Variants in DRC8 observed in about 807,000 individuals in gnomAD.
DRC8 encodes dynein regulatory complex subunit 8, also known as dynein regulatory complex protein 8.
chr1:245,062,184 C>A, the DRC8 span, among the ~76,000 whole-genome samples: 11,317 of 152,260 alleles, frequency 0.074, 485 homozygotes, highest in African/African-American at 0.095. Flanking sequence ...TGTACTTGAA[C>A]TTTAGTGTAG....
the DRC8 span, among the ~76,000 whole-genome samples, chr1:245,114,094 C>T: frequency 2.0e-5 from 3 of 152,184 alleles, no homozygotes; most frequent in Non-Finnish European, 2.9e-5. Flanking sequence ...GTTTCTGTCA[C>T]GCCATTGCTT....
the DRC8 span, among the ~76,000 whole-genome samples, chr1:245,070,753 A>G: frequency 4.6e-5 from 7 of 152,204 alleles, no homozygotes; most frequent in African/African-American, 1.4e-4. Flanking sequence ...TGCTGTGGTC[A>G]GAATGTATGT....
the DRC8 span, among the ~76,000 whole-genome samples, chr1:244,976,732 G>A: frequency 6.6e-6 from 1 of 152,138 alleles, no homozygotes. Context: ...GTGGTATGGC[G>A]GTTCCTCAGA....
chr1:245,111,707 GA>G, the DRC8 span, among the ~76,000 whole-genome samples: 3 of 152,120 alleles, frequency 2.0e-5, no homozygotes, highest in African/African-American at 7.2e-5. Context: ...GGGGTAAGGG[GA>G]CTTTTAGAAA....
At chr1:244,971,209 A>C in the DRC8 span, 8 of 151,964 alleles carry the variant, frequency 5.3e-5, no homozygotes, top group Admixed American at 2.6e-4. Flanking sequence ...TGTCTTAAAA[A>C]AAAAAAAAGA....
the DRC8 span, among the ~76,000 whole-genome samples, chr1:245,050,719 C>T: frequency 7.2e-5 from 11 of 152,192 alleles, no homozygotes; most frequent in South Asian, 2.1e-4. Context: ...TATTCCTCCA[C>T]GGTGTACTCT....
chr1:244,970,972 T>A, the DRC8 span: 8 of 165,990 alleles, frequency 4.8e-5, no homozygotes, highest in Middle Eastern at 5.5e-3. Flanking sequence ...CCCCGGGGGG[T>A]GGCCTGGGTG....
At chr1:245,062,056 A>C in the DRC8 span, among the ~76,000 whole-genome samples, 1 of 152,202 alleles carries the variant, frequency 6.6e-6, no homozygotes, top group Admixed American at 6.5e-5. Context: ...CAATGAGCTG[A>C]GGTCATACCA....
chr1:244,973,240 T>C, the DRC8 span, among the ~76,000 whole-genome samples: 1 of 152,182 alleles, frequency 6.6e-6, no homozygotes, highest in Non-Finnish European at 1.5e-5. Flanking sequence ...TATAATAATA[T>C]ACTGTTTTAT....
chr1:245,014,070 GAAA>G, the DRC8 span, among the ~76,000 whole-genome samples: 14,975 of 140,554 alleles, frequency 0.11, 837 homozygotes, highest in East Asian at 0.25. Flanking sequence ...AAGAAAAAAA[GAAA>G]AGAGTAGTTA....
At chr1:245,033,224 A>C in the DRC8 span, among the ~76,000 whole-genome samples, 1 of 152,180 alleles carries the variant, frequency 6.6e-6, no homozygotes, top group Admixed American at 6.5e-5. Context: ...AGGCAGAATC[A>C]AGGAGGTCTC....
the DRC8 span, chr1:245,017,300 T>G: frequency 6.2e-7 from 1 of 1,609,296 alleles, no homozygotes; most frequent in Non-Finnish European, 8.5e-7. Flanking sequence ...TCTTTGACCA[T>G]GAGTCGAATA....
the DRC8 span, chr1:245,087,617 A>G: frequency 9.3e-7 from 1 of 1,075,956 alleles, no homozygotes; most frequent in South Asian, 3.4e-5. Context: ...ATTGTTGTTT[A>G]TTTTCTACAA....
the DRC8 span, among the ~76,000 whole-genome samples, chr1:245,047,520 A>G: frequency 6.6e-6 from 1 of 151,690 alleles, no homozygotes; most frequent in Non-Finnish European, 1.5e-5. Context: ...CTGTAATTCC[A>G]GCTACTTAGG....
At chr1:245,080,902 C>G in the DRC8 span, among the ~76,000 whole-genome samples, 2 of 152,124 alleles carry the variant, frequency 1.3e-5, no homozygotes, top group Admixed American at 6.5e-5. Context: ...CATCTTGAAG[C>G]CTTCTCCCTG....
At chr1:245,035,747 A>G in the DRC8 span, among the ~76,000 whole-genome samples, 2 of 151,994 alleles carry the variant, frequency 1.3e-5, no homozygotes, top group African/African-American at 4.8e-5. Flanking sequence ...CACACCTGTA[A>G]TCCCAGCTAC....
chr1:245,050,695 C>T, the DRC8 span, among the ~76,000 whole-genome samples: 1 of 152,114 alleles, frequency 6.6e-6, no homozygotes, highest in Non-Finnish European at 1.5e-5. Context: ...GTGCATCATT[C>T]TCTTTAATAG....
At chr1:245,089,795 T>TTCTA in the DRC8 span, among the ~76,000 whole-genome samples, 1 of 151,966 alleles carries the variant, frequency 6.6e-6, no homozygotes, top group African/African-American at 2.4e-5. The surrounding 1 kb of genome is among the most constrained non-coding windows in gnomAD (Gnocchi z 4.8). Flanking sequence ...GCAAGTTCAT[T>TTCTA]TCTAGTCCAA....
chr1:245,080,502 C>T, the DRC8 span, among the ~76,000 whole-genome samples: 1 of 152,206 alleles, frequency 6.6e-6, no homozygotes, highest in Non-Finnish European at 1.5e-5. Flanking sequence ...TTGGTCCCCT[C>T]AGCTGGTCCC....
Sources: gnomAD v4.1 joint callset for allele counts (sites outside exome capture counted in the v4.1 genomes callset) on GRCh38, gnomAD v4.1.1 for gene constraint, Gnocchi (gnomAD v3.1) non-coding constraint, MANE v1.5 for transcripts, NCBI Gene and HGNC (gene_info 2026-07-23, HGNC 2026-07-21) for gene names.